ESRRG: variants seen among roughly 807,000 people sequenced by gnomAD.
ESRRG encodes the protein estrogen-related receptor gamma.
In ESRRG, 13 loss-of-function variants were observed where a neutral mutation model predicts 44.0. That is an observed-to-expected ratio of 0.30 (90% CI 0.19 to 0.47). The LOEUF (loss-of-function observed/expected upper bound fraction) is 0.47, where lower values mean the gene tolerates loss of function less well. Among genes scored for constraint, ESRRG ranks in the 20% least tolerant of loss-of-function variants. ESRRG has a pLI of 1.00. For synonymous variants in ESRRG, 215 were observed against 214.6 expected (o/e 1.00, Z -0.02); for missense variants, 395 against 580.6 (o/e 0.68, Z 3.29).
chr1:216,762,574 AG>A (rs2092846823), intron 2 of ESRRG, among the ~76,000 whole-genome samples: 1 of 131,796 alleles, frequency 7.6e-6, no homozygotes, highest in African/African-American at 2.8e-5. Flanking sequence ...GGGAGTGGGG[AG>A]GGATAGCATT....
At chr1:216,664,828 A>T (rs10779273) in intron 2 of ESRRG, among the ~76,000 whole-genome samples, 83,465 of 151,978 alleles carry the variant, frequency 0.55, 25,479 homozygotes, top group Middle Eastern at 0.71. Flanking sequence ...CTAAGAATTA[A>T]AAATAGAATT....
At chr1:216,880,874 G>A (rs549833564) in intron 2 of ESRRG, among the ~76,000 whole-genome samples, 2 of 152,026 alleles carry the variant, frequency 1.3e-5, no homozygotes, top group Non-Finnish European at 2.9e-5. Context: ...AAGATAAAAA[G>A]CATTGCTGAC....
chr1:216,793,545 C>G (rs1401646779), intron 2 of ESRRG, among the ~76,000 whole-genome samples: 1 of 152,160 alleles, frequency 6.6e-6, no homozygotes, highest in Non-Finnish European at 1.5e-5. Flanking sequence ...TTCCCCTGCC[C>G]TGTCATATCT....
intron 6 of ESRRG, among the ~76,000 whole-genome samples, chr1:216,517,328 A>T (rs1044796092): frequency 2.0e-5 from 3 of 152,176 alleles, no homozygotes; most frequent in African/African-American, 7.2e-5. Context: ...ATCTATCAGA[A>T]ATATTAATGC....
chr1:216,591,362 G>T (rs971309498), intron 3 of ESRRG, among the ~76,000 whole-genome samples: 17 of 152,186 alleles, frequency 1.1e-4, no homozygotes, highest in African/African-American at 3.9e-4. Context: ...GAGAGAGCAT[G>T]GAAGCTCTGT....
chr1:216,529,220 T>A (rs887561836), intron 5 of ESRRG, among the ~76,000 whole-genome samples: 13 of 152,200 alleles, frequency 8.5e-5, no homozygotes, highest in African/African-American at 3.1e-4. Flanking sequence ...CTAAAAGAAA[T>A]CAGGTGGGAC....
At chr1:216,509,393 A>G (rs574116180) in intron 6 of ESRRG, among the ~76,000 whole-genome samples, 60 of 152,310 alleles carry the variant, frequency 3.9e-4, no homozygotes, top group Non-Finnish European at 8.1e-4. Flanking sequence ...AAATTTTCCT[A>G]AATCTGTCTC....
chr1:216,873,293 C>T lies in ESRRG; in HGVS notation c.-14+66289G>A, dbSNP rs1418322845. Among the ~76,000 whole-genome samples, 8 of 140,826 alleles carry T rather than the reference C, an allele frequency of 5.7e-5. No homozygotes were observed. The South Asian group carries it at 1.6e-3, about 28-fold the overall frequency. 92.4% of individuals were successfully genotyped at this position (140,826 alleles called of 152,430 possible). A position where few individuals can be genotyped will look rare whatever the true frequency, so the allele number is the denominator to read the frequency against. ...ATGGCATGATCTTGGCTCACTGCAA[C>T]CTCCGCCCCCCTGGTTCAAGCAATT... On this transcript the variant is annotated intron_variant, in intron 2 of 7. Coordinates refer to the ESRRG transcript ENST00000359162.
intron 1 of ESRRG, among the ~76,000 whole-genome samples, chr1:217,087,104 A>G (rs1250443940): frequency 6.6e-6 from 1 of 152,210 alleles, no homozygotes; most frequent in Non-Finnish European, 1.5e-5. Flanking sequence ...ATGTCTGTGC[A>G]GAAGAAAAAA....
intron 1 of ESRRG, among the ~76,000 whole-genome samples, chr1:217,088,602 A>G (rs2151542471): frequency 6.6e-6 from 1 of 151,908 alleles, no homozygotes; most frequent in African/African-American, 2.4e-5. Context: ...AATTCACAAC[A>G]TAACCGAGAC....
At chr1:216,576,597 CTCT>C (rs992813288) in intron 3 of ESRRG, among the ~76,000 whole-genome samples, 4 of 151,984 alleles carry the variant, frequency 2.6e-5, no homozygotes, top group Non-Finnish European at 5.9e-5. Context: ...CCAAAGAAGT[CTCT>C]TCTTCTATTT....
chr1:216,701,267 T>C (rs1376488376), intron 1 of ESRRG, among the ~76,000 whole-genome samples: 2 of 152,198 alleles, frequency 1.3e-5, no homozygotes, highest in Non-Finnish European at 2.9e-5. Context: ...ACTCATAGTC[T>C]GCACCACACT....
At position 216,754,417 on chromosome 1, in the gene ESRRG, C is replaced by T. The variant is rs77305245; in HGVS notation, c.-13-76926G>A. On this transcript the variant is annotated intron_variant, in intron 2 of 7. Coordinates refer to the ESRRG transcript ENST00000359162. ...CTAAAACATTTAAATTGTGTTTTCC[C>T]CTCTCTATCACACTGCAAAGGTGAC... 3.9e-3 allele frequency among the ~76,000 whole-genome samples: 594 copies of T among 152,112 alleles called. 13 individuals are homozygous for T. Among genetic ancestry groups the T allele is most frequent in the African/African-American group, 0.014 (571 of 41,518 alleles).
intron 1 of ESRRG, among the ~76,000 whole-genome samples, chr1:217,130,080 A>T (rs2092944232): frequency 6.6e-6 from 1 of 152,246 alleles, no homozygotes; most frequent in Non-Finnish European, 1.5e-5. Context: ...TATCACCCAA[A>T]TGATTTTAAG....
intron 3 of ESRRG, among the ~76,000 whole-genome samples, chr1:216,626,800 C>T (rs900598100): frequency 3.3e-5 from 5 of 152,198 alleles, no homozygotes; most frequent in African/African-American, 1.2e-4. Flanking sequence ...TGCCCGCTGC[C>T]TTATCCCTTG....
At chr1:217,097,415 C>T (rs12137803) in intron 1 of ESRRG, among the ~76,000 whole-genome samples, 3,043 of 152,160 alleles carry the variant, frequency 0.02, 61 homozygotes, top group Middle Eastern at 0.034. Flanking sequence ...GCTGACTTTC[C>T]GGGCAAGAAA....
intron 2 of ESRRG, among the ~76,000 whole-genome samples, chr1:216,782,995 A>G (rs2093989378): frequency 1.3e-5 from 2 of 152,132 alleles, no homozygotes; most frequent in African/African-American, 4.8e-5. Flanking sequence ...CATTATAAAT[A>G]GCCTCATGTG....
intron 2 of ESRRG, among the ~76,000 whole-genome samples, chr1:216,789,597 T>C (rs1261523939): frequency 6.6e-6 from 1 of 152,146 alleles, no homozygotes; most frequent in Non-Finnish European, 1.5e-5. Flanking sequence ...GGAACAGAAC[T>C]AGCACTATCT....
intron 2 of ESRRG, among the ~76,000 whole-genome samples, chr1:216,655,665 GC>G (rs1194279296): frequency 6.6e-6 from 1 of 152,130 alleles, no homozygotes; most frequent in East Asian, 1.9e-4. Flanking sequence ...CAATAAAGTT[GC>G]CTTGACACAT....
Sources: allele counts gnomAD v4.1 joint callset (sites outside exome capture counted in the v4.1 genomes callset), GRCh38; gene constraint gnomAD v4.1.1; transcripts MANE v1.5; gene names NCBI Gene and HGNC (gene_info 2026-07-23, HGNC 2026-07-21).